Variants in EFCAB6 observed in about 807,000 individuals in gnomAD.
EFCAB6 encodes the protein EF-hand calcium-binding domain-containing protein 6.
EFCAB6 carries 156 observed loss-of-function variants against 169.8 expected under a neutral mutation model. The observed-to-expected ratio is 0.92, with a 90% CI of 0.81 to 1.05. EFCAB6 has a LOEUF of 1.05. Ranked by LOEUF, EFCAB6 falls within the 50% of genes least tolerant of loss-of-function variation. The probability of loss-of-function intolerance (pLI) is 0.00; values close to 1 mark genes in which losing one functional copy is unlikely to be tolerated. For synonymous variants in EFCAB6, 698 were observed against 676.4 expected (o/e 1.03, Z -0.50); for missense variants, 1,800 against 1,829.1 (o/e 0.98, Z 0.29).
At chr22:43,811,390 G>GAGAAA (rs889809710) in intron 1 of EFCAB6, among the ~76,000 whole-genome samples, 8 of 132,068 alleles carry the variant, frequency 6.1e-5, no homozygotes, top group East Asian at 2.5e-4. Flanking sequence ...GGAGGGGAGG[G>GAGAAA]AGAAAAGAAA....
At position 43,646,506 on chromosome 22, in the gene EFCAB6, T is replaced by A. The variant is rs188211459; in HGVS notation, c.1984-11290A>T. On this transcript the variant is annotated intron_variant, in intron 17 of 31. Transcript: ENST00000262726. ...ATTAAAGAGCCATATTGCATTTATATAGAAATAGATGTATAAATCAGTGGG... is the reference window on the plus strand; with the variant it reads ...ATTAAAGAGCCATATTGCATTTATAAAGAAATAGATGTATAAATCAGTGGG... Among the ~76,000 whole-genome samples, 269 of 152,336 alleles carry A rather than the reference T, an allele frequency of 1.8e-3. 1 individual carries two copies. The highest frequency in any genetic ancestry group is 6.4e-3 in the African/African-American group (267 of 41,580).
chr22:43,709,392 A>G (rs1019021688), intron 10 of EFCAB6, among the ~76,000 whole-genome samples: 4 of 152,058 alleles, frequency 2.6e-5, no homozygotes, highest in Non-Finnish European at 5.9e-5. Flanking sequence ...TTATTTCTTC[A>G]TTTTTAGCAT....
rs763505074 is a variant in EFCAB6 at position 43,711,472 on chromosome 22, TA to T, written c.1031+2del. 1 of 1,577,674 alleles carries T rather than the reference TA, an allele frequency of 6.3e-7. No individual in the cohort carries two copies. The highest frequency in any genetic ancestry group is 1.2e-5 in the South Asian group (1 of 84,514). ...AATGTCAAGGAAACAATGAGACTCTTACCTTTTCATTAACTGGATAAAAATT... is the reference window on the plus strand; with the variant it reads ...AATGTCAAGGAAACAATGAGACTCTTCCTTTTCATTAACTGGATAAAAATT... On this transcript the variant is annotated splice_donor_variant, in intron 10 of 31. Transcript: ENST00000262726. LOFTEE classifies it high-confidence loss of function.
rs1240624620 is a variant in EFCAB6 at position 43,706,456 on chromosome 22, C to T, written c.1031+5019G>A. 3.9e-5 allele frequency among the ~76,000 whole-genome samples: 6 copies of T among 152,330 alleles called. No individual in the cohort carries two copies. The East Asian group carries it at 1.2e-3, about 29-fold the overall frequency. On this transcript the variant is annotated intron_variant, in intron 10 of 31. Transcript: ENST00000262726. ...ATTCATAGGTTTGCTTTGTGTTGGT[C>T]TCCCCCACCAGCAGGCACAGTTCTT...
At chr22:43,533,655 C>A (rs1485926065) in intron 30 of EFCAB6, 1 of 152,268 alleles carries the variant, frequency 6.6e-6, no homozygotes, top group Admixed American at 6.5e-5. Flanking sequence ...GGTGCGAGCC[C>A]CCAGCACACA....
chr22:43,607,800 GA>G (rs1476027888), intron 22 of EFCAB6, among the ~76,000 whole-genome samples: 5 of 152,318 alleles, frequency 3.3e-5, no homozygotes, highest in African/African-American at 7.2e-5. Context: ...GACATATAAT[GA>G]AGAAGGAGGT....
intron 17 of EFCAB6, among the ~76,000 whole-genome samples, chr22:43,642,376 G>T (rs754925985): frequency 1.3e-5 from 2 of 151,788 alleles, no homozygotes; most frequent in Non-Finnish European, 2.9e-5. Flanking sequence ...CCCATTCACA[G>T]ACAACATGAA....
At chr22:43,627,904 T>C (rs545289161) in intron 19 of EFCAB6, among the ~76,000 whole-genome samples, 4 of 152,344 alleles carry the variant, frequency 2.6e-5, no homozygotes, top group African/African-American at 7.2e-5. Flanking sequence ...GTACCTAATA[T>C]GTGCAATCGC....
intron 13 of EFCAB6, among the ~76,000 whole-genome samples, chr22:43,673,728 C>T (rs898407015): frequency 1.6e-4 from 25 of 152,178 alleles, no homozygotes; most frequent in African/African-American, 4.8e-4. Flanking sequence ...TGCAGTGAGC[C>T]GAGGTCATGT....
intron 11 of EFCAB6, among the ~76,000 whole-genome samples, chr22:43,685,354 A>T (rs935839829): frequency 6.6e-6 from 1 of 152,072 alleles, no homozygotes; most frequent in Non-Finnish European, 1.5e-5. Context: ...TGCGGGGGGA[A>T]GATTTGCCCT....
At chr22:43,764,853 C>T (rs2061276718) in intron 5 of EFCAB6, among the ~76,000 whole-genome samples, 1 of 151,344 alleles carries the variant, frequency 6.6e-6, no homozygotes, top group African/African-American at 2.4e-5. Context: ...TATGCAAAAA[C>T]TATGAAATAT....
chr22:43,658,837 C>A (rs1019805287), intron 17 of EFCAB6, among the ~76,000 whole-genome samples: 10 of 152,200 alleles, frequency 6.6e-5, no homozygotes, highest in African/African-American at 2.4e-4. Flanking sequence ...AAAATATCCA[C>A]AGAATTAGGA....
intron 21 of EFCAB6, among the ~76,000 whole-genome samples, chr22:43,611,728 G>A (rs1015072071): frequency 2.0e-5 from 3 of 152,146 alleles, no homozygotes; most frequent in Non-Finnish European, 4.4e-5. Context: ...AGCCTGGTAG[G>A]CTGAGGTTAC....
At chr22:43,688,055 C>T (rs952295624) in intron 10 of EFCAB6, among the ~76,000 whole-genome samples, 13 of 152,162 alleles carry the variant, frequency 8.5e-5, no homozygotes, top group Non-Finnish European at 1.9e-4. Context: ...CAAGTGGGCC[C>T]ACTCTAATCC....
At chr22:43,581,810 C>T (rs547174721) in intron 24 of EFCAB6, among the ~76,000 whole-genome samples, 3 of 152,172 alleles carry the variant, frequency 2.0e-5, no homozygotes, top group African/African-American at 4.8e-5. Context: ...TGCGTCGGGT[C>T]GGCTTGCATG....
At chr22:43,615,168 A>T (rs1218919296) in intron 21 of EFCAB6, among the ~76,000 whole-genome samples, 1 of 152,260 alleles carries the variant, frequency 6.6e-6, no homozygotes, top group Non-Finnish European at 1.5e-5. Flanking sequence ...AGTTTAAAAA[A>T]TACTTATTAG....
chr22:43,634,143 G>A (rs1193611709), intron 18 of EFCAB6, among the ~76,000 whole-genome samples: 6 of 152,216 alleles, frequency 3.9e-5, no homozygotes, highest in African/African-American at 1.4e-4. Context: ...TATGCACCCT[G>A]GGCCCCAATT....
chr22:43,636,167 G>C (rs1195569033), intron 17 of EFCAB6, among the ~76,000 whole-genome samples: 1 of 152,198 alleles, frequency 6.6e-6, no homozygotes, highest in East Asian at 1.9e-4. Flanking sequence ...AGGCTTTCTA[G>C]GAGAACTGGG....
intron 10 of EFCAB6, among the ~76,000 whole-genome samples, chr22:43,699,159 G>A (rs1382697124): frequency 2.0e-5 from 3 of 152,160 alleles, no homozygotes; most frequent in Non-Finnish European, 4.4e-5. Context: ...AACTCTGCAT[G>A]ACACGCAGGT....
Sources: allele counts gnomAD v4.1 joint callset (sites outside exome capture counted in the v4.1 genomes callset), GRCh38; gene constraint gnomAD v4.1.1; transcripts MANE v1.5; gene names NCBI Gene and HGNC (gene_info 2026-07-23, HGNC 2026-07-21).